PCDHGA11: variants seen among roughly 807,000 people sequenced by gnomAD.
The protein encoded by PCDHGA11 is protocadherin gamma subfamily A, 11, also known as protocadherin gamma-A11.
A neutral mutation model predicts 60.4 loss-of-function variants in PCDHGA11; 39 were observed. The ratio of observed to expected loss-of-function variants is 0.65; its 90% CI spans 0.50 to 0.84. The LOEUF (loss-of-function observed/expected upper bound fraction) is 0.84, where lower values mean the gene tolerates loss of function less well. Among genes scored for constraint, PCDHGA11 ranks in the 40% least tolerant of loss-of-function variants. The pLI is 0.00. For missense variants in PCDHGA11, 1,165 were observed against 1,197.7 expected, an observed-to-expected ratio of 0.97 and a Z score of 0.40; for synonymous variants, 533 against 510.3, an observed-to-expected ratio of 1.04 and a Z score of -0.60.
At chr5:141,426,022 T>A (rs1174153557) in intron 1 of PCDHGA11, among the ~76,000 whole-genome samples, 3 of 152,204 alleles carry the variant, frequency 2.0e-5, no homozygotes, top group Admixed American at 2.0e-4. Flanking sequence ...GTTTTCTAAA[T>A]AGACTCAGAG....
At position 141,421,143 on chromosome 5, in the gene PCDHGA11, A is replaced by T. The variant is rs2096549098; in HGVS notation, c.-85A>T. ...TCGCTTTCTGATATATTTTGGATGTAGTCGGCCTAGGACTTCATAGATACA... is the reference window on the plus strand; with the variant it reads ...TCGCTTTCTGATATATTTTGGATGTTGTCGGCCTAGGACTTCATAGATACA... On this transcript the variant is annotated 5_prime_UTR_variant, in exon 1 of 4. The change abolishes the stop of an existing upstream ORF in the 5' untranslated region. Transcript: ENST00000398587. The T allele has an allele frequency of 3.1e-6, 3 of 964,414 alleles. No homozygotes were observed. The highest frequency in any genetic ancestry group is 4.5e-6 in the Non-Finnish European group (3 of 667,482). 59.7% of individuals were successfully genotyped at this position (964,414 alleles called of 1,614,324 possible).
At position 141,476,395 on chromosome 5, in the gene PCDHGA11, T is replaced by C. The variant is rs545562470; in HGVS notation, c.2434-18412T>C. 4 of 1,614,020 alleles carry C rather than the reference T, an allele frequency of 2.5e-6. 1 individual carries two copies. In the South Asian group the frequency reaches 4.4e-5, roughly 18 times the overall value. On this transcript the variant is annotated intron_variant, in intron 1 of 3. Transcript: ENST00000398587. This position sits in a 1 kb window ranked among gnomAD's most constrained non-coding sequence, Gnocchi z 7.6. ...AGATGTTTGTGAACGACCGTCTGGATCGAGAGGAGCTGTGTGGGACACTGC... is the reference window on the plus strand; with the variant it reads ...AGATGTTTGTGAACGACCGTCTGGACCGAGAGGAGCTGTGTGGGACACTGC...
chr5:141,446,398 G>A (rs1379233102), intron 1 of PCDHGA11, among the ~76,000 whole-genome samples: 2 of 152,128 alleles, frequency 1.3e-5, no homozygotes, highest in African/African-American at 2.4e-5. Context: ...AAGAGAAATC[G>A]AGTTGAGTTC....
chr5:141,470,565 A>T (rs2099233471), intron 1 of PCDHGA11, among the ~76,000 whole-genome samples: 1 of 152,172 alleles, frequency 6.6e-6, no homozygotes, highest in African/African-American at 2.4e-5. Context: ...CCTCTGTGCC[A>T]AGCAGGATCA....
intron 1 of PCDHGA11, among the ~76,000 whole-genome samples, chr5:141,437,842 A>G (rs1372385076): frequency 2.0e-5 from 3 of 150,650 alleles, no homozygotes; most frequent in East Asian, 3.9e-4. Context: ...GGTTCATGCT[A>G]TTCTCCTGCC....
Position 141,487,266 on chromosome 5 carries a change from T to A in PCDHGA11, c.2434-7541T>A. The stretch of plus-strand genomic sequence containing the variant: ...ACCCTCTACTTGGCTGTGTCCCTAG[T>A]GGCAATTTGCTTTGTCTCCTTTGGC... On this transcript the variant is annotated intron_variant, in intron 1 of 3. Transcript: ENST00000398587. This position sits in a 1 kb window ranked among gnomAD's most constrained non-coding sequence, Gnocchi z 5.0. The A allele has an allele frequency of 1.2e-6, 2 of 1,614,172 alleles. No homozygotes were observed. Among genetic ancestry groups the A allele is most frequent in the Non-Finnish European group, 8.5e-7 (1 of 1,180,036 alleles).
At chr5:141,458,632 C>T (rs779075931) in intron 1 of PCDHGA11, among the ~76,000 whole-genome samples, 1 of 151,898 alleles carries the variant, frequency 6.6e-6, no homozygotes, top group Non-Finnish European at 1.5e-5. Context: ...TGCAGTGGCA[C>T]AATCCCAGCT....
chr5:141,437,346 T>C (rs143931647), intron 1 of PCDHGA11, among the ~76,000 whole-genome samples: 2 of 152,380 alleles, frequency 1.3e-5, no homozygotes, highest in East Asian at 3.9e-4. Flanking sequence ...CACTGTTTTA[T>C]AGTACCTAAA....
At chr5:141,447,232 C>T (rs988057696) in intron 1 of PCDHGA11, among the ~76,000 whole-genome samples, 3 of 152,062 alleles carry the variant, frequency 2.0e-5, no homozygotes, top group East Asian at 1.9e-4. Flanking sequence ...CTCCGCCTCC[C>T]GGGTTCAAGT....
rs762687404 is a variant in PCDHGA11 at position 141,486,468 on chromosome 5, A to G, written c.2434-8339A>G. Reference sequence around the variant, plus strand: ...ATGGTCACTGCTTCTGATGCTGGGAACCCTCCTCTCAGTACCCACAGAACT... The same window carrying G: ...ATGGTCACTGCTTCTGATGCTGGGAGCCCTCCTCTCAGTACCCACAGAACT... On this transcript the variant is annotated intron_variant, in intron 1 of 3. Transcript: ENST00000398587. This position sits in a 1 kb window ranked among gnomAD's most constrained non-coding sequence, Gnocchi z 5.0. The G allele has an allele frequency of 1.2e-6, 2 of 1,612,906 alleles. No individual in the cohort carries two copies. Among genetic ancestry groups the G allele is most frequent in the Middle Eastern group, 1.6e-4 (1 of 6,062 alleles).
Position 141,421,172 on chromosome 5 carries a change from G to T in PCDHGA11, c.-56G>T. 1 of 1,366,164 alleles carries T rather than the reference G, an allele frequency of 7.3e-7. No homozygotes were observed. 84.6% of individuals were successfully genotyped at this position (1,366,164 alleles called of 1,614,324 possible). A position where few individuals can be genotyped will look rare whatever the true frequency, so the allele number is the denominator to read the frequency against. On this transcript the variant is annotated 5_prime_UTR_variant, in exon 1 of 4. Coordinates refer to ENST00000398587, the MANE Select transcript of PCDHGA11 (RefSeq NM_018914.3). ...GGCCTAGGACTTCATAGATACATAA[G>T]CCGATTCACAACCAACCAGCTCGAG...
chr5:141,422,194 C>A lies in PCDHGA11; in HGVS notation c.967C>A (p.Gln323Lys). 1 of 1,562,366 alleles carries A rather than the reference C, an allele frequency of 6.4e-7. No individual in the cohort carries two copies. Among genetic ancestry groups the A allele is most frequent in the South Asian group, 1.2e-5 (1 of 80,806 alleles). ...YRFYEMEIQG[Q>K]DGGGLFTTTT... Reference sequence around the variant, plus strand: ...ATTCTATGAGATGGAAATTCAAGGCCAAGATGGTGGAGGTCTCTTTACCAC... The same window carrying A: ...ATTCTATGAGATGGAAATTCAAGGCAAAGATGGTGGAGGTCTCTTTACCAC... The change falls in exon 1 of 4, where the codon CAA (glutamine) becomes AAA (lysine). Residue 323 changes from glutamine (Q) to lysine (K), a missense_variant. By Grantham distance (53) the Gln-to-Lys change is moderately conservative (BLOSUM62 1). Coordinates refer to ENST00000398587, the MANE Select transcript of PCDHGA11 (RefSeq NM_018914.3).
At chr5:141,510,272 T>TAAAA (rs546154379) in intron 3 of PCDHGA11, among the ~76,000 whole-genome samples, 4 of 130,388 alleles carry the variant, frequency 3.1e-5, no homozygotes, top group Non-Finnish European at 4.9e-5. Context: ...GACTCCATCT[T>TAAAA]AAAAAAAAAA....
At position 141,487,047 on chromosome 5, in the gene PCDHGA11, C is replaced by T; in HGVS notation, c.2434-7760C>T. The T allele has an allele frequency of 6.2e-7, 1 of 1,614,188 alleles. No individual in the cohort carries two copies. Among genetic ancestry groups the T allele is most frequent in the Non-Finnish European group, 8.5e-7 (1 of 1,180,032 alleles). ...AGCCTGTTTGCAGTCTCTCGATATGCTGGGGAGGTGCGGACGGCTGTTCCT... is the reference window on the plus strand; with the variant it reads ...AGCCTGTTTGCAGTCTCTCGATATGTTGGGGAGGTGCGGACGGCTGTTCCT... On this transcript the variant is annotated intron_variant, in intron 1 of 3. Coordinates refer to ENST00000398587, the MANE Select transcript of PCDHGA11 (RefSeq NM_018914.3). This position sits in a 1 kb window ranked among gnomAD's most constrained non-coding sequence, Gnocchi z 5.0.
rs754653877 is a variant in PCDHGA11, at chr5:141,421,916, G to T, written c.689G>T (p.Arg230Leu). The T allele has an allele frequency of 6.2e-7, 1 of 1,613,528 alleles. No homozygotes were observed. Residue 230 changes from arginine (R) to leucine (L), a missense_variant, in exon 1 of 4, where the codon CGT (arginine) becomes CTT (leucine). Coordinates refer to ENST00000398587, the MANE Select transcript of PCDHGA11 (RefSeq NM_018914.3). ...ATCCGAAAGGGCGCAGTTCCCATTC[G>T]TGTGGTGGTCCTCGATGTAAATGAT... is the stretch of plus-strand genomic sequence containing the variant. ...DPIRKGAVPI[R>L]VVVLDVNDHI...
At position 141,422,690 on chromosome 5, in the gene PCDHGA11, T is replaced by G. The variant is rs1384522137; in HGVS notation, c.1463T>G (p.Val488Gly). The G allele has an allele frequency of 6.2e-7, 1 of 1,603,908 alleles. No individual in the cohort carries two copies. The highest frequency in any genetic ancestry group is 1.7e-5 in the Admixed American group (1 of 59,502). ...LDPDSKQNAL[V>G]TYSLTDDTVQ... ...CCGGACAGCAAACAGAATGCCCTGG[T>G]CACTTACTCTCTGACGGATGACACT... Residue 488 changes from valine to glycine, a missense_variant, in exon 1 of 4, where the codon GTC (valine) becomes GGC (glycine). Val to Gly is a moderately radical substitution (Grantham distance 109). Transcript: ENST00000398587.
chr5:141,469,410 A>G (rs2099200490), intron 1 of PCDHGA11, among the ~76,000 whole-genome samples: 1 of 152,128 alleles, frequency 6.6e-6, no homozygotes, highest in Non-Finnish European at 1.5e-5. Context: ...CCCCGTTTCT[A>G]CTAAAAATAT....
intron 1 of PCDHGA11, among the ~76,000 whole-genome samples, chr5:141,469,803 A>G (rs1326367314): frequency 6.6e-6 from 1 of 152,174 alleles, no homozygotes; most frequent in Non-Finnish European, 1.5e-5. Context: ...TTGCAAAAAC[A>G]TTGTAGATAG....
intron 1 of PCDHGA11, chr5:141,478,247 G>A (rs1377698933): frequency 1.2e-6 from 2 of 1,614,074 alleles, no homozygotes; most frequent in Admixed American, 3.3e-5. Context: ...CACAGTGTTC[G>A]GAGTAATCAT....
Sources: gnomAD v4.1 joint callset for allele counts (sites outside exome capture counted in the v4.1 genomes callset) on GRCh38, gnomAD v4.1.1 for gene constraint, Gnocchi (gnomAD v3.1) non-coding constraint, MANE v1.5 for transcripts, NCBI Gene and HGNC (gene_info 2026-07-23, HGNC 2026-07-21) for gene names.